Variants in PRMT8 observed in about 807,000 individuals in gnomAD.
PRMT8 encodes the protein protein arginine N-methyltransferase 8.
Under a neutral mutation model 47.1 loss-of-function variants are expected in PRMT8, and 7 were observed. The observed-to-expected ratio is 0.15, with a 90% confidence interval of 0.08 to 0.28. PRMT8 has a LOEUF of 0.28. Among genes scored for constraint, PRMT8 ranks in the 10% least tolerant of loss-of-function variants. PRMT8 has a pLI of 1.00. For missense variants in PRMT8, 237 were observed against 505.4 expected, an observed-to-expected ratio of 0.47 and a Z score of 5.09; for synonymous variants, 188 against 186.5, an observed-to-expected ratio of 1.01 and a Z score of -0.07.
At chr12:3,491,085 G>A (rs1865386640), upstream of PRMT8, 2 of 866,722 alleles carry the variant, frequency 2.3e-6, no homozygotes, top group South Asian at 5.3e-5. Context: ...GAGGGGGCGG[G>A]CCCGGGGGCG....
chr12:3,519,245 G>A (rs923409574), intron 1 of PRMT8, among the ~76,000 whole-genome samples: 44 of 151,996 alleles, frequency 2.9e-4, no homozygotes, highest in African/African-American at 6.3e-4. Context: ...GAGAGAGAGA[G>A]AAAAAGAAAA....
chr12:3,491,975 C>A (rs1282653507), intron 1 of PRMT8, among the ~76,000 whole-genome samples: 1 of 151,814 alleles, frequency 6.6e-6, no homozygotes, highest in East Asian at 1.9e-4. Context: ...ATCACCCTCT[C>A]CTGCCACCCG....
At chr12:3,446,539 GTCT>G (rs1234810565) in intron 1 of PRMT8, among the ~76,000 whole-genome samples, 6 of 152,190 alleles carry the variant, frequency 3.9e-5, no homozygotes, top group African/African-American at 1.4e-4. Flanking sequence ...CAAGTCCCTG[GTCT>G]GGGGACTTGT....
At chr12:3,532,766 G>A (rs960217648) in intron 1 of PRMT8, among the ~76,000 whole-genome samples, 1 of 152,032 alleles carries the variant, frequency 6.6e-6, no homozygotes, top group African/African-American at 2.4e-5. Context: ...AAACTTTATG[G>A]TGTATCAGAA....
At chr12:3,424,371 G>T (rs1171907001) in intron 1 of PRMT8, among the ~76,000 whole-genome samples, 1 of 152,234 alleles carries the variant, frequency 6.6e-6, no homozygotes, top group Middle Eastern at 3.4e-3. Context: ...TTTTATCCAA[G>T]TGGCGCAAAT....
rs531491076 is a variant in PRMT8, at chr12:3,536,373, A to G, written c.76-4233A>G. On this transcript the variant is annotated intron_variant, in intron 1 of 9. Coordinates refer to ENST00000382622, the MANE Select transcript of PRMT8 (RefSeq NM_019854.5). The stretch of plus-strand genomic sequence containing the variant: ...TATTGAAATGAATGCCCCCAAATCC[A>G]TGCATCCTTTTGCCTCCTGCATGGC... Among the ~76,000 whole-genome samples the G allele has an allele frequency of 2.0e-5, 3 of 152,218 alleles. No individual in the cohort carries two copies. In the East Asian group the frequency reaches 5.8e-4, roughly 29 times the overall value.
At chr12:3,386,448 T>G (rs901321942) in intron 1 of PRMT8, among the ~76,000 whole-genome samples, 1 of 152,224 alleles carries the variant, frequency 6.6e-6, no homozygotes, top group Non-Finnish European at 1.5e-5. Flanking sequence ...GGTCCTTCAA[T>G]GCCCACTTCT....
rs191982218 is a variant in PRMT8, at chr12:3,485,988, C to T, written c.49-54618C>T. Among the ~76,000 whole-genome samples, 11 of 152,292 alleles carry T rather than the reference C, an allele frequency of 7.2e-5. No homozygotes were observed. The East Asian group carries it at 1.7e-3, about 24-fold the overall frequency. On this transcript the variant is annotated intron_variant, in intron 1 of 9. Coordinates refer to the PRMT8 transcript ENST00000452611. ...CTCCACTCATTATGCGTTTTCAGGT[C>T]GGGTTGCCCTGACGCACCAGAGGTC...
At chr12:3,516,173 T>C (rs953046495) in intron 1 of PRMT8, among the ~76,000 whole-genome samples, 2 of 152,200 alleles carry the variant, frequency 1.3e-5, no homozygotes, top group Admixed American at 1.3e-4. Context: ...GCACTTTTCT[T>C]TACCATAGGC....
At chr12:3,412,429 G>T (rs1263532641) in intron 1 of PRMT8, among the ~76,000 whole-genome samples, 1 of 152,072 alleles carries the variant, frequency 6.6e-6, no homozygotes, top group African/African-American at 2.4e-5. Context: ...TATAAAAAAT[G>T]TTTTCTTTCT....
At chr12:3,549,812 C>G (rs1318966681) in intron 2 of PRMT8, 124 bp from the exon 3 acceptor site, 5 of 1,107,434 alleles carry the variant, frequency 4.5e-6, no homozygotes, top group Non-Finnish European at 6.6e-6. Flanking sequence ...CTCTGTGGCT[C>G]TGCCTGATGA....
At chr12:3,496,386 G>A (rs190688325) in intron 1 of PRMT8, among the ~76,000 whole-genome samples, 93 of 151,162 alleles carry the variant, frequency 6.2e-4, no homozygotes, top group African/African-American at 2.2e-3. Flanking sequence ...TGGTGGTTTT[G>A]GCTAATAGAT....
intron 1 of PRMT8, among the ~76,000 whole-genome samples, chr12:3,496,914 A>AT (rs34785835): frequency 0.021 from 2,732 of 129,444 alleles, 49 homozygotes; most frequent in East Asian, 0.067. Context: ...AAGATACCCA[A>AT]TTTTTTTTTT....
rs1866398962 is a variant in PRMT8 at position 3,550,570 on chromosome 12, T to G, written c.417+479T>G. ...GAGGATTAAATGAGTATAATACATA[T>G]GTAAAGTGCTTAAAACAGTGCCCAG... On this transcript the variant is annotated intron_variant, in intron 3 of 9. Coordinates refer to ENST00000382622, the MANE Select transcript of PRMT8 (RefSeq NM_019854.5). This position sits in a 1 kb window ranked among gnomAD's most constrained non-coding sequence, Gnocchi z 5.1. The G allele has an allele frequency of 6.4e-6, 1 of 156,472 alleles. No homozygotes were observed. The highest frequency in any genetic ancestry group is 2.4e-5 in the African/African-American group (1 of 41,620). 9.7% of individuals were successfully genotyped at this position (156,472 alleles called of 1,614,324 possible).
chr12:3,593,696 A>G lies in PRMT8; in HGVS notation c.*514A>G, dbSNP rs1867364705. 6.1e-6 allele frequency: 1 copy of G among 163,176 alleles called. No homozygotes were observed. The highest frequency in any genetic ancestry group is 1.3e-5 in the Non-Finnish European group (1 of 75,906). The allele number at this position is 163,176 out of a possible 1,614,324, so 10.1% of individuals were successfully genotyped here. On this transcript the variant is annotated 3_prime_UTR_variant, in exon 10 of 10. Transcript: ENST00000382622. This position sits in a 1 kb window ranked among gnomAD's most constrained non-coding sequence, Gnocchi z 4.8. ...CCTGTATATGCGTGCATATACAACC[A>G]AGTGGGTAGACCTAGGTGTTCTCTC...
At chr12:3,405,013 G>A (rs1864358138) in intron 1 of PRMT8, among the ~76,000 whole-genome samples, 1 of 152,000 alleles carries the variant, frequency 6.6e-6, no homozygotes, top group African/African-American at 2.4e-5. Flanking sequence ...GATTTATGAA[G>A]TGTACTCTTC....
chr12:3,418,027 A>G (rs578123984), intron 1 of PRMT8, among the ~76,000 whole-genome samples: 6 of 152,364 alleles, frequency 3.9e-5, no homozygotes, highest in Non-Finnish European at 7.3e-5. Flanking sequence ...GGTTGTGAGG[A>G]TTAAATGAGT....
intron 6 of PRMT8, among the ~76,000 whole-genome samples, chr12:3,575,071 A>G (rs1023439725): frequency 1.3e-5 from 2 of 152,206 alleles, no homozygotes; most frequent in African/African-American, 4.8e-5. Context: ...GGAGTTTGGC[A>G]CCAGCCTCGG....
chr12:3,434,663 G>A (rs1276417057), intron 1 of PRMT8, among the ~76,000 whole-genome samples: 1 of 152,070 alleles, frequency 6.6e-6, no homozygotes, highest in Non-Finnish European at 1.5e-5. Flanking sequence ...TTCAAACACT[G>A]GTGCCAAGGG....
Sources: allele counts gnomAD v4.1 joint callset (sites outside exome capture counted in the v4.1 genomes callset), GRCh38; gene constraint gnomAD v4.1.1; non-coding constraint Gnocchi (gnomAD v3.1); transcripts MANE v1.5; gene names NCBI Gene and HGNC (gene_info 2026-07-23, HGNC 2026-07-21).